The following SCNN1B variants were observed in gnomAD, a reference collection of about 807,000 sequenced individuals.
The protein encoded by SCNN1B is epithelial sodium channel subunit beta.
A neutral mutation model predicts 65.3 loss-of-function variants in SCNN1B; 46 were observed. The observed-to-expected ratio is 0.70, with a 90% CI of 0.56 to 0.90. SCNN1B has a LOEUF of 0.90. SCNN1B is among the 40% of genes least tolerant of loss of function. SCNN1B has a pLI of 0.00. For synonymous variants in SCNN1B, 349 were observed against 330.6 expected (o/e 1.06, Z -0.60); for missense variants, 751 against 830.5 (o/e 0.90, Z 1.18).
intron 1 of SCNN1B, among the ~76,000 whole-genome samples, chr16:23,303,604 A>G (rs1961130542): frequency 6.6e-6 from 1 of 152,174 alleles, no homozygotes; most frequent in Non-Finnish European, 1.5e-5. Flanking sequence ...AGAGCCATAG[A>G]AAATATGTAA....
intron 2 of SCNN1B, among the ~76,000 whole-genome samples, chr16:23,287,131 A>G (rs1405558354): frequency 6.6e-6 from 1 of 151,298 alleles, no homozygotes; most frequent in Non-Finnish European, 1.5e-5. Flanking sequence ...CAGCCTCCCA[A>G]GTAGCTGGAA....
In SCNN1B at chr16:23,380,662, C is replaced by A; in HGVS notation, c.1784C>A (p.Ala595Asp). Residue 595 changes from alanine to aspartate, a missense_variant, in exon 13 of 13, where the codon GCC becomes GAC. Physicochemically the swap from Ala to Asp is moderately radical, Grantham distance 126. Transcript: ENST00000343070. This position sits in a 1 kb window ranked among gnomAD's most constrained non-coding sequence, Gnocchi z 5.4. ...AACTTTGGCTTCCAGCCTGACACGG[C>A]CCCCCGCAGCCCCAACACTGGGCCC... is the stretch of plus-strand genomic sequence containing the variant. ...HTNFGFQPDTAPRSPNTGPYP... is the reference protein window; with the variant it reads ...HTNFGFQPDTDPRSPNTGPYP... 1.9e-6 allele frequency: 3 copies of A among 1,612,250 alleles called. No individual in the cohort carries two copies. Among genetic ancestry groups the A allele is most frequent in the Non-Finnish European group, 1.7e-6 (2 of 1,179,396 alleles).
chr16:23,305,933 C>T (rs1268723539), intron 1 of SCNN1B, among the ~76,000 whole-genome samples: 2 of 152,012 alleles, frequency 1.3e-5, no homozygotes, highest in Admixed American at 1.3e-4. Context: ...TATCTCCCAG[C>T]TATGCAGTGG....
At chr16:23,317,045 C>T (rs995772967) in intron 1 of SCNN1B, among the ~76,000 whole-genome samples, 8 of 152,346 alleles carry the variant, frequency 5.3e-5, no homozygotes, top group Middle Eastern at 3.4e-3. Context: ...CATGATGACA[C>T]GTCATCTCCT....
chr16:23,380,239 AG>A lies in SCNN1B; in HGVS notation c.1542+73del. On this transcript the variant is annotated intron_variant, in intron 12 of 12. Coordinates refer to ENST00000343070, the MANE Select transcript of SCNN1B (RefSeq NM_000336.3). The surrounding 1 kb of genome is among the most constrained non-coding windows in gnomAD (Gnocchi z 5.4). The stretch of plus-strand genomic sequence containing the variant: ...ACCCCTGCACCCTGAGGGTGGGGGA[AG>A]GGTTCTGAGCCCTATGAAGGAATTA... 2.0e-6 allele frequency: 3 copies of A among 1,506,524 alleles called. No homozygotes were observed. In the Admixed American group the frequency reaches 5.0e-5, roughly 25 times the overall value. 93.3% of individuals were successfully genotyped at this position (1,506,524 alleles called of 1,614,324 possible).
At chr16:23,308,123 G>T (rs939161260) in intron 1 of SCNN1B, among the ~76,000 whole-genome samples, 3 of 152,198 alleles carry the variant, frequency 2.0e-5, no homozygotes, top group African/African-American at 7.2e-5. Context: ...AGGATTGCTT[G>T]AGCCCAGGAG....
chr16:23,294,979 C>A (rs150705303), intron 2 of SCNN1B, among the ~76,000 whole-genome samples: 1 of 150,698 alleles, frequency 6.6e-6, no homozygotes, highest in Admixed American at 6.6e-5. Flanking sequence ...GGTGACAGAG[C>A]AAGACTGTCT....
chr16:23,371,123 G>A lies in SCNN1B; in HGVS notation c.881-176G>A, dbSNP rs73544470. ...GTAAGAGCCTGCCTTAGAGATGATG[G>A]GGGCTTTGCAGAAGGCAAGCAGTAT... On this transcript the variant is annotated intron_variant, in intron 5 of 12. Coordinates refer to ENST00000343070, the MANE Select transcript of SCNN1B (RefSeq NM_000336.3). Among the ~76,000 whole-genome samples the A allele has an allele frequency of 0.035, 5,387 of 152,260 alleles. 310 individuals are homozygous for A. The highest frequency in any genetic ancestry group is 0.12 in the African/African-American group (5,111 of 41,530).
Position 23,355,142 on chromosome 16 carries a change from G to T in SCNN1B, c.586-157G>T, listed in dbSNP as rs7188747. ...GTATGAGGCAGTAGCCCTTGAGCAT[G>T]TGTGAGCATGAGTGTGAACGTTTCC... On this transcript the variant is annotated intron_variant, in intron 3 of 12. Transcript: ENST00000343070. Among the ~76,000 whole-genome samples, 7,643 of 152,240 alleles carry T rather than the reference G, an allele frequency of 0.05. 629 individuals are homozygous for T. The highest frequency in any genetic ancestry group is 0.17 in the African/African-American group (7,134 of 41,508).
At chr16:23,287,990 A>C (rs1960874300) in intron 2 of SCNN1B, among the ~76,000 whole-genome samples, 1 of 121,892 alleles carries the variant, frequency 8.2e-6, no homozygotes, top group Non-Finnish European at 1.6e-5. Context: ...CCCCATCTCT[A>C]CAAAAAAAAA....
At chr16:23,289,388 C>T (rs1187506783) in intron 2 of SCNN1B, among the ~76,000 whole-genome samples, 3 of 152,102 alleles carry the variant, frequency 2.0e-5, no homozygotes, top group Non-Finnish European at 4.4e-5. Flanking sequence ...GATCCCATCT[C>T]TACAAAATAT....
intron 1 of SCNN1B, among the ~76,000 whole-genome samples, chr16:23,309,425 T>C (rs1252812566): frequency 1.3e-5 from 2 of 151,752 alleles, no homozygotes; most frequent in Non-Finnish European, 2.9e-5. Flanking sequence ...GATAGATAGA[T>C]AGATAGATAG....
intron 1 of SCNN1B, among the ~76,000 whole-genome samples, chr16:23,318,723 G>A (rs532515296): frequency 1.3e-5 from 2 of 152,348 alleles, no homozygotes; most frequent in African/African-American, 4.8e-5. Context: ...GTAAAGCTAA[G>A]CACAGTGCCT....
Position 23,357,346 on chromosome 16 carries a change from G to A in SCNN1B, c.776+1857G>A, listed in dbSNP as rs150947681. On this transcript the variant is annotated intron_variant, in intron 4 of 12. Transcript: ENST00000343070. The stretch of plus-strand genomic sequence containing the variant: ...GCCTGTAAGCCCAACACTTTGGGAG[G>A]CCAAGGCGGGTGGATCACCTGAGGT... Among the ~76,000 whole-genome samples the A allele has an allele frequency of 1.6e-3, 246 of 152,366 alleles. 1 individual carries two copies. The highest frequency in any genetic ancestry group is 6.2e-3 in the Admixed American group (95 of 15,302).
rs927598340 is a variant in SCNN1B, at chr16:23,308,364, A to T, written c.-9+5927A>T. On this transcript the variant is annotated intron_variant, in intron 1 of 12. Coordinates refer to ENST00000343070, the MANE Select transcript of SCNN1B (RefSeq NM_000336.3). ...ATAGCAAGACTCCATCTCTGTACAA[A>T]ATTTAAAAATTATCCAGGCATGGTG... Among the ~76,000 whole-genome samples, 20 of 152,038 alleles carry T rather than the reference A, an allele frequency of 1.3e-4. 2 individuals are homozygous for T. Among genetic ancestry groups the T allele is most frequent in the Admixed American group, 1.3e-3 (20 of 15,264 alleles).
At chr16:23,352,701 C>A in intron 2 of SCNN1B, 100 bp from the exon 3 acceptor site, 2 of 1,229,330 alleles carry the variant, frequency 1.6e-6, no homozygotes, top group Non-Finnish European at 1.2e-6. Flanking sequence ...ATCTTTATAG[C>A]AGTGTGAAAA....
intron 10 of SCNN1B, among the ~76,000 whole-genome samples, chr16:23,378,369 G>C (rs1377697965): frequency 6.6e-6 from 1 of 152,224 alleles, no homozygotes; most frequent in Non-Finnish European, 1.5e-5. Context: ...GGTGACATTG[G>C]AGCTGACACC....
At position 23,331,930 on chromosome 16, in the gene SCNN1B, G is replaced by A. The variant is rs975281427; in HGVS notation, c.-8-16662G>A. Among the ~76,000 whole-genome samples the A allele has an allele frequency of 2.0e-5, 3 of 152,248 alleles. No homozygotes were observed. In the South Asian group the frequency reaches 6.2e-4, roughly 32 times the overall value. On this transcript the variant is annotated intron_variant, in intron 1 of 12. Transcript: ENST00000343070. ...CAGGGCATTATAAGGAAACCCACAGGGCTGTTTTGTGTGGGGGTGGGTTTT... is the reference window on the plus strand; with the variant it reads ...CAGGGCATTATAAGGAAACCCACAGAGCTGTTTTGTGTGGGGGTGGGTTTT...
rs558788260 is a variant in SCNN1B, at chr16:23,363,679, T to A, written c.777-4177T>A. On this transcript the variant is annotated intron_variant, in intron 4 of 12. Transcript: ENST00000343070. ...AATTTTACAAATTAGCTGGGTGTGG[T>A]GGCACATGCCTGTAGTCCCAGCTAC... Among the ~76,000 whole-genome samples the A allele has an allele frequency of 1.0e-3, 158 of 152,072 alleles. 3 individuals carry two copies. The highest frequency in any genetic ancestry group is 0.01 in the Admixed American group (156 of 15,282).
Sources: gnomAD v4.1 joint callset for allele counts (sites outside exome capture counted in the v4.1 genomes callset) on GRCh38, gnomAD v4.1.1 for gene constraint, Gnocchi (gnomAD v3.1) non-coding constraint, MANE v1.5 for transcripts, NCBI Gene and HGNC (gene_info 2026-07-23, HGNC 2026-07-21) for gene names.